The following ARHGAP42 variants were observed in gnomAD, a reference collection of about 807,000 sequenced individuals.
ARHGAP42 encodes the protein Rho GTPase activating protein 42, also known as rho GTPase-activating protein 42.
Under a neutral mutation model 125.0 loss-of-function variants are expected in ARHGAP42, and 63 were observed. The observed-to-expected ratio is 0.50, with a 90% confidence interval of 0.41 to 0.62. The LOEUF (loss-of-function observed/expected upper bound fraction) is 0.62, where lower values mean the gene tolerates loss of function less well. Among genes scored for constraint, ARHGAP42 ranks in the 20% least tolerant of loss-of-function variants. The pLI, the probability that ARHGAP42 is intolerant of heterozygous loss-of-function variation, is 0.00. For synonymous variants in ARHGAP42, 339 were observed against 351.0 expected (o/e 0.97, Z 0.38); for missense variants, 766 against 1,024.2 (o/e 0.75, Z 3.44).
At chr11:100,869,180 T>C (rs1865642559) in intron 4 of ARHGAP42, among the ~76,000 whole-genome samples, 1 of 152,012 alleles carries the variant, frequency 6.6e-6, no homozygotes. Context: ...ACATTACTTA[T>C]AACTAATAAC....
intron 4 of ARHGAP42, among the ~76,000 whole-genome samples, chr11:100,899,225 G>A (rs981378260): frequency 2.0e-5 from 3 of 152,140 alleles, no homozygotes; most frequent in African/African-American, 7.2e-5. Context: ...TGTGATTTCT[G>A]TTCTTTTACA....
chr11:100,725,328 G>A (rs999705571), intron 1 of ARHGAP42, among the ~76,000 whole-genome samples: 1 of 151,558 alleles, frequency 6.6e-6, no homozygotes, highest in Non-Finnish European at 1.5e-5. Context: ...ACACCACCAC[G>A]CCCAGCTAAT....
intron 1 of ARHGAP42, among the ~76,000 whole-genome samples, chr11:100,750,342 G>T (rs561305710): frequency 2.0e-5 from 3 of 151,868 alleles, no homozygotes; most frequent in South Asian, 2.1e-4. Context: ...TATTGGCTAG[G>T]GTTAGACCAC....
chr11:100,756,305 G>T (rs1274084152), intron 1 of ARHGAP42, among the ~76,000 whole-genome samples: 1 of 151,888 alleles, frequency 6.6e-6, no homozygotes, highest in African/African-American at 2.4e-5. Context: ...GGCTGAGGCA[G>T]GGGGATAGCT....
intron 3 of ARHGAP42, among the ~76,000 whole-genome samples, chr11:100,808,675 G>GA (rs1487877454): frequency 6.6e-6 from 1 of 152,060 alleles, no homozygotes; most frequent in Non-Finnish European, 1.5e-5. Context: ...AAAGTGCTGG[G>GA]ATTACAGGCG....
chr11:100,985,482 A>G (rs1858651754), intron 22 of ARHGAP42, among the ~76,000 whole-genome samples: 3 of 152,214 alleles, frequency 2.0e-5, no homozygotes, highest in Admixed American at 2.0e-4. Flanking sequence ...TCTATTTGAG[A>G]CTACCATAGT....
chr11:100,875,527 T>G (rs1271002495), intron 4 of ARHGAP42, among the ~76,000 whole-genome samples: 2 of 152,072 alleles, frequency 1.3e-5, no homozygotes, highest in Non-Finnish European at 2.9e-5. Flanking sequence ...TCACTGACAC[T>G]GGGGGGAGGG....
At chr11:100,808,098 A>G (rs759814998) in intron 3 of ARHGAP42, among the ~76,000 whole-genome samples, 72 of 152,354 alleles carry the variant, frequency 4.7e-4, no homozygotes, top group Non-Finnish European at 7.8e-4. Context: ...CATGAGGTAG[A>G]CTAGCAAAAT....
At chr11:100,790,000 CA>C (rs1863528462) in intron 2 of ARHGAP42, among the ~76,000 whole-genome samples, 1 of 152,098 alleles carries the variant, frequency 6.6e-6, no homozygotes, top group Non-Finnish European at 1.5e-5. Context: ...ATGTAAAGCC[CA>C]AACTGATCAA....
intron 5 of ARHGAP42, among the ~76,000 whole-genome samples, chr11:100,916,361 A>G (rs905909476): frequency 6.6e-6 from 1 of 152,238 alleles, no homozygotes; most frequent in Non-Finnish European, 1.5e-5. Flanking sequence ...AATTTAAACA[A>G]CATATGACAT....
intron 3 of ARHGAP42, among the ~76,000 whole-genome samples, chr11:100,846,458 G>A (rs1321699467): frequency 6.6e-6 from 1 of 151,990 alleles, no homozygotes; most frequent in Non-Finnish European, 1.5e-5. Flanking sequence ...TTTGATTTTG[G>A]CATTTTCCAC....
intron 17 of ARHGAP42, among the ~76,000 whole-genome samples, chr11:100,967,540 A>G (rs1315245302): frequency 6.6e-6 from 1 of 152,196 alleles, no homozygotes; most frequent in African/African-American, 2.4e-5. Context: ...TTTTAATTCA[A>G]TAATATTCAG....
chr11:100,824,520 C>T (rs192963810), intron 3 of ARHGAP42, among the ~76,000 whole-genome samples: 50 of 152,198 alleles, frequency 3.3e-4, no homozygotes, highest in African/African-American at 1.2e-3. Context: ...GTCCCGAATA[C>T]GGATCTAGGA....
intron 2 of ARHGAP42, among the ~76,000 whole-genome samples, chr11:100,781,954 T>C (rs1863325655): frequency 6.7e-6 from 1 of 150,026 alleles, no homozygotes; most frequent in Non-Finnish European, 1.5e-5. Flanking sequence ...TTTTTGTGCA[T>C]TTAGAGCATT....
At chr11:100,935,110 C>T (rs1591306095) in intron 7 of ARHGAP42, among the ~76,000 whole-genome samples, 2 of 148,816 alleles carry the variant, frequency 1.3e-5, no homozygotes, top group Admixed American at 1.3e-4. Flanking sequence ...GTGAAAGTGA[C>T]AAGAAAATTT....
intron 6 of ARHGAP42, among the ~76,000 whole-genome samples, chr11:100,930,283 A>G (rs1418630004): frequency 6.6e-6 from 1 of 152,218 alleles, no homozygotes; most frequent in East Asian, 1.9e-4. Context: ...TGTCCTGTTC[A>G]GTTCCTTTCA....
intron 1 of ARHGAP42, among the ~76,000 whole-genome samples, chr11:100,768,500 G>T (rs61890764): frequency 0.26 from 39,969 of 152,070 alleles, 5,490 homozygotes; most frequent in Non-Finnish European, 0.3. Flanking sequence ...GCTTAAAGGA[G>T]CCTGACTAAA....
intron 2 of ARHGAP42, among the ~76,000 whole-genome samples, chr11:100,775,898 G>A (rs192809702): frequency 2.0e-5 from 3 of 152,230 alleles, no homozygotes; most frequent in African/African-American, 4.8e-5. Context: ...GGTGGCTCAC[G>A]CTTGTAATCC....
At chr11:100,754,166 T>TA (rs1354494734) in intron 1 of ARHGAP42, among the ~76,000 whole-genome samples, 10 of 151,952 alleles carry the variant, frequency 6.6e-5, no homozygotes, top group South Asian at 4.2e-4. Context: ...TGGGAGATGT[T>TA]AAAAAAAAAT....
Sources: allele counts gnomAD v4.1 joint callset (sites outside exome capture counted in the v4.1 genomes callset), GRCh38; gene constraint gnomAD v4.1.1; transcripts MANE v1.5; gene names NCBI Gene and HGNC (gene_info 2026-07-23, HGNC 2026-07-21).